The following ODAD2 variants were observed in gnomAD, a reference collection of about 807,000 sequenced individuals.
ODAD2 encodes the protein outer dynein arm-docking complex subunit 2.
ODAD2 carries 89 observed loss-of-function variants against 106.8 expected under a neutral mutation model. That is an observed-to-expected ratio of 0.83 (90% CI 0.70 to 0.99). The LOEUF (loss-of-function observed/expected upper bound fraction) is 0.99, where lower values mean the gene tolerates loss of function less well. Ranked by LOEUF, ODAD2 falls within the 50% of genes least tolerant of loss-of-function variation. The probability of loss-of-function intolerance (pLI) is 0.00; values close to 1 mark genes in which losing one functional copy is unlikely to be tolerated. For synonymous variants in ODAD2, 404 were observed against 436.2 expected (o/e 0.93, Z 0.92); for missense variants, 1,168 against 1,238.5 (o/e 0.94, Z 0.85).
chr10:27,963,510 A>G (rs1848283460), intron 9 of ODAD2, among the ~76,000 whole-genome samples: 3 of 152,206 alleles, frequency 2.0e-5, no homozygotes, highest in Admixed American at 1.3e-4. Flanking sequence ...CAAAGTCACA[A>G]AGTCAATGAC....
At chr10:27,884,505 G>A (rs367978453) in intron 17 of ODAD2, among the ~76,000 whole-genome samples, 6 of 152,154 alleles carry the variant, frequency 3.9e-5, no homozygotes, top group African/African-American at 1.2e-4. Context: ...TCAGCCGGAA[G>A]GACCAAAGTG....
rs765025001 is a variant in ODAD2, at chr10:27,984,209, G to A, written c.657C>T (p.Val219=). 7 of 1,612,954 alleles carry A rather than the reference G, an allele frequency of 4.3e-6. No individual in the cohort carries two copies. Among genetic ancestry groups the A allele is most frequent in the African/African-American group, 2.7e-5 (2 of 74,872 alleles). Residue 219 remains valine (V), a synonymous_variant, in exon 5 of 20, where the codon GTC becomes GTT. Coordinates refer to ENST00000305242, the MANE Select transcript of ODAD2 (RefSeq NM_018076.5). ...KRFSGKGNQT[V]LESIEYTSDY... ...CTGAGGTATATTCAATAGATTCCAA[G>A]ACTGTTTGGTTTCCTTTTCCTGAGA...
chr10:27,981,839 C>T lies in ODAD2; in HGVS notation c.820-257G>A, dbSNP rs58107550. The stretch of plus-strand genomic sequence containing the variant: ...GGCTTTACTGAGTACCTCCTATATG[C>T]ATGTAAGGCACTCTGCTGTTCAGCA... On this transcript the variant is annotated intron_variant, in intron 6 of 19. Coordinates refer to ENST00000305242, the MANE Select transcript of ODAD2 (RefSeq NM_018076.5). 1.0e-3 allele frequency: 266 copies of T among 260,398 alleles called. 2 individuals carry two copies. Among genetic ancestry groups the T allele is most frequent in the African/African-American group, 5.1e-3 (226 of 44,082 alleles). 16.1% of individuals were successfully genotyped at this position (260,398 alleles called of 1,614,324 possible). A position where few individuals can be genotyped will look rare whatever the true frequency, so the allele number is the denominator to read the frequency against.
chr10:27,916,287 A>G (rs896135451), intron 16 of ODAD2, among the ~76,000 whole-genome samples: 4 of 152,130 alleles, frequency 2.6e-5, no homozygotes, highest in African/African-American at 7.2e-5. Context: ...TGGGGTGAAG[A>G]GAACATTTTG....
intron 10 of ODAD2, among the ~76,000 whole-genome samples, chr10:27,946,011 T>TAC (rs945638055): frequency 7.5e-6 from 1 of 132,940 alleles, no homozygotes; most frequent in African/African-American, 3.9e-5. Flanking sequence ...ATCTATTGTG[T>TAC]ATATATATAT....
At chr10:27,888,128 G>C (rs73604094) in intron 17 of ODAD2, among the ~76,000 whole-genome samples, 2,199 of 152,186 alleles carry the variant, frequency 0.014, 48 homozygotes, top group African/African-American at 0.051. Flanking sequence ...AAACATACAA[G>C]TACATGTATC....
At chr10:27,854,894 T>C (rs1839552030) in intron 19 of ODAD2, among the ~76,000 whole-genome samples, 1 of 151,916 alleles carries the variant, frequency 6.6e-6, no homozygotes, top group Non-Finnish European at 1.5e-5. Flanking sequence ...GTAAGCTGAG[T>C]GAAGGAAGCC....
At chr10:27,820,199 A>T (rs1836490744) in intron 19 of ODAD2, among the ~76,000 whole-genome samples, 1 of 152,074 alleles carries the variant, frequency 6.6e-6, no homozygotes, top group Non-Finnish European at 1.5e-5. Flanking sequence ...CCAATGGCCC[A>T]GGCTCCACAT....
chr10:27,878,558 A>T (rs1841499810), intron 17 of ODAD2, among the ~76,000 whole-genome samples: 1 of 152,184 alleles, frequency 6.6e-6, no homozygotes, highest in Non-Finnish European at 1.5e-5. Flanking sequence ...GAAGAGCTAT[A>T]AAAACACCAC....
chr10:27,842,627 G>A (rs1339160064), intron 19 of ODAD2, among the ~76,000 whole-genome samples: 1 of 151,954 alleles, frequency 6.6e-6, no homozygotes, highest in African/African-American at 2.4e-5. Context: ...TAAAGCCATG[G>A]GCCATGTCCA....
chr10:27,959,512 C>T (rs1240382926), intron 10 of ODAD2, among the ~76,000 whole-genome samples: 3 of 151,950 alleles, frequency 2.0e-5, no homozygotes, highest in Non-Finnish European at 2.9e-5. Context: ...GCATGGTCAC[C>T]GTGCGTGCCA....
intron 9 of ODAD2, among the ~76,000 whole-genome samples, chr10:27,966,461 A>G (rs745691553): frequency 6.6e-6 from 1 of 152,204 alleles, no homozygotes; most frequent in Non-Finnish European, 1.5e-5. Flanking sequence ...CAGCGCCCCA[A>G]AGAAAAGCTG....
chr10:27,885,553 TATAAATATAAATATATATATATATAA>T (rs1842050949), intron 17 of ODAD2, among the ~76,000 whole-genome samples: 2 of 13,204 alleles, frequency 1.5e-4, no homozygotes, highest in African/African-American at 5.9e-4. Flanking sequence ...TATATAAATA[TATAAATATAAATATATATATATATAA>T]ATATATAAAT....
chr10:27,844,684 G>T (rs1196197940), intron 19 of ODAD2, among the ~76,000 whole-genome samples: 1 of 152,138 alleles, frequency 6.6e-6, no homozygotes, highest in Non-Finnish European at 1.5e-5. Flanking sequence ...TTGAATAAAA[G>T]ACTCTGTGTA....
intron 11 of ODAD2, 35 bp downstream of exon 11, chr10:27,944,781 C>T: frequency 3.7e-6 from 6 of 1,613,460 alleles, no homozygotes; most frequent in Non-Finnish European, 5.1e-6. Context: ...AAGGTGGGAA[C>T]AAGACTCCGC....
chr10:27,874,484 G>A lies in ODAD2; in HGVS notation c.2611-11862C>T, dbSNP rs576041740. On this transcript the variant is annotated intron_variant, in intron 17 of 19. Coordinates refer to ENST00000305242, the MANE Select transcript of ODAD2 (RefSeq NM_018076.5). ...TTACATTTTGGCATGTTTTTGCAGT[G>A]GCTGGTACCAGCTGTTCCTTTCCAT... 2.4e-4 allele frequency among the ~76,000 whole-genome samples: 36 copies of A among 152,222 alleles called. No individual in the cohort carries two copies. The East Asian group carries it at 6.2e-3, about 26-fold the overall frequency.
intron 16 of ODAD2, among the ~76,000 whole-genome samples, chr10:27,920,885 A>C (rs1021228942): frequency 6.6e-6 from 1 of 152,068 alleles, no homozygotes; most frequent in Non-Finnish European, 1.5e-5. Context: ...ATGTAAATGC[A>C]ACATAATTAT....
intron 19 of ODAD2, among the ~76,000 whole-genome samples, chr10:27,816,375 G>C (rs1836136735): frequency 6.6e-6 from 1 of 152,196 alleles, no homozygotes; most frequent in South Asian, 2.1e-4. Flanking sequence ...AGGGAAGTTT[G>C]GAGGGGCTCA....
At chr10:27,948,901 G>A (rs553487565) in intron 10 of ODAD2, among the ~76,000 whole-genome samples, 32 of 145,148 alleles carry the variant, frequency 2.2e-4, no homozygotes, top group Middle Eastern at 3.8e-3. Context: ...GGTTTTAAAC[G>A]TGCAGAGATT....
Sources: gnomAD v4.1 joint callset for allele counts (sites outside exome capture counted in the v4.1 genomes callset) on GRCh38, gnomAD v4.1.1 for gene constraint, MANE v1.5 for transcripts, NCBI Gene and HGNC (gene_info 2026-07-23, HGNC 2026-07-21) for gene names.